CASQ2: variants seen among roughly 807,000 people sequenced by gnomAD.
CASQ2 encodes calsequestrin 2.
CASQ2 carries 49 observed loss-of-function variants against 46.5 expected under a neutral mutation model. That is an observed-to-expected ratio of 1.05 (90% CI 0.84 to 1.34). The LOEUF is 1.34. CASQ2 is among the 40% of genes most tolerant of loss of function. The pLI is 0.00. For missense variants in CASQ2, 486 were observed against 481.3 expected (o/e 1.01, Z -0.09); for synonymous variants, 174 against 168.5 (o/e 1.03, Z -0.25).
intron 6 of CASQ2, 45 bp downstream of exon 6, chr1:115,726,947 T>TA: frequency 1.3e-5 from 13 of 1,036,542 alleles, no homozygotes; most frequent in East Asian, 2.7e-5. Context: ...TCCTCTCCAT[T>TA]CCCCAGACCC....
chr1:115,718,470 A>C (rs1179088425), intron 7 of CASQ2, among the ~76,000 whole-genome samples: 4 of 152,234 alleles, frequency 2.6e-5, no homozygotes. Context: ...TGTTGTTCAC[A>C]CAAGAATCAC....
At chr1:115,751,152 G>A (rs1053299233) in intron 1 of CASQ2, among the ~76,000 whole-genome samples, 1 of 152,220 alleles carries the variant, frequency 6.6e-6, no homozygotes, top group Non-Finnish European at 1.5e-5. Flanking sequence ...ACAGTTCTTG[G>A]CATGCAGTAA....
intron 8 of CASQ2, among the ~76,000 whole-genome samples, chr1:115,712,493 ATTATT>A (rs1459344735): frequency 6.6e-6 from 1 of 152,202 alleles, no homozygotes; most frequent in Non-Finnish European, 1.5e-5. Flanking sequence ...AGCTGGGGAC[ATTATT>A]TAACTTCTTC....
At chr1:115,727,200 T>G (rs1453508692) in intron 5 of CASQ2, 78 bp from the exon 6 acceptor site, 2 of 1,135,726 alleles carry the variant, frequency 1.8e-6, no homozygotes, top group Admixed American at 3.5e-5. Context: ...CTAAGATAAG[T>G]GTGTATGTTT....
At chr1:115,766,243 C>T (rs1278189047) in intron 1 of CASQ2, among the ~76,000 whole-genome samples, 2 of 152,192 alleles carry the variant, frequency 1.3e-5, no homozygotes, top group Admixed American at 6.5e-5. Context: ...GCCCCTTGGG[C>T]GTTTTCGCAC....
At chr1:115,763,541 T>G (rs1039511385) in intron 1 of CASQ2, among the ~76,000 whole-genome samples, 17 of 152,118 alleles carry the variant, frequency 1.1e-4, no homozygotes, top group African/African-American at 4.1e-4. Context: ...TATCAACTGA[T>G]GGGGTTAGCT....
chr1:115,757,748 G>A (rs1648811690), intron 1 of CASQ2, among the ~76,000 whole-genome samples: 1 of 152,124 alleles, frequency 6.6e-6, no homozygotes, highest in Admixed American at 6.6e-5. Context: ...ATTTTGGTGG[G>A]ATTAAGCAAG....
chr1:115,715,186 T>C (rs1358382876), intron 8 of CASQ2, among the ~76,000 whole-genome samples: 1 of 152,210 alleles, frequency 6.6e-6, no homozygotes, highest in Admixed American at 6.5e-5. Flanking sequence ...CCTTAGGCAA[T>C]TGGCTTCCTT....
chr1:115,768,673 G>C lies in CASQ2; in HGVS notation c.-132C>G. 1.4e-6 allele frequency: 1 copy of C among 695,640 alleles called. No individual in the cohort carries two copies. Among genetic ancestry groups the C allele is most frequent in the South Asian group, 1.6e-5 (1 of 60,998 alleles). The allele number at this position is 695,640 out of a possible 1,614,324, so 43.1% of individuals were successfully genotyped here. On this transcript the variant is annotated 5_prime_UTR_variant, in exon 1 of 11. Coordinates refer to ENST00000261448, the MANE Select transcript of CASQ2 (RefSeq NM_001232.4). Reference sequence around the variant, plus strand: ...TTCTCTCTTCTTTGCCCTTCCTGGGGCTGAAAAGTGACTCTTCACCTCCTT... The same window carrying C: ...TTCTCTCTTCTTTGCCCTTCCTGGGCCTGAAAAGTGACTCTTCACCTCCTT...
At chr1:115,746,737 T>C (rs1648403308) in intron 1 of CASQ2, among the ~76,000 whole-genome samples, 1 of 152,176 alleles carries the variant, frequency 6.6e-6, no homozygotes, top group East Asian at 1.9e-4. Flanking sequence ...TTCAGATATA[T>C]GGTTTACAAG....
chr1:115,761,497 G>GAAGAAGAAGA (rs1648956584), intron 1 of CASQ2, among the ~76,000 whole-genome samples: 1 of 18,940 alleles, frequency 5.3e-5, no homozygotes, highest in African/African-American at 2.8e-4. Context: ...GGAGAAGAAG[G>GAAGAAGAAGA]AGAAGAAGAA....
At chr1:115,757,160 G>A (rs1009870447) in intron 1 of CASQ2, among the ~76,000 whole-genome samples, 1 of 152,048 alleles carries the variant, frequency 6.6e-6, no homozygotes, top group East Asian at 1.9e-4. Flanking sequence ...AATTCCATAG[G>A]TGAAAGGAAA....
rs1647455098 is a variant in CASQ2 at position 115,723,305 on chromosome 1, T to TATCTATCTATC, written c.783+2202_783+2203insGATAGATAGAT. On this transcript the variant is annotated intron_variant, in intron 7 of 10. Coordinates refer to ENST00000261448, the MANE Select transcript of CASQ2 (RefSeq NM_001232.4). ...TCTATATCTCTCTATATCTATCTAT[T>TATCTATCTATC]TATCTATCTATCTATCTATCTATCT... 1.7e-4 allele frequency among the ~76,000 whole-genome samples: 25 copies of TATCTATCTATC among 148,866 alleles called. 1 individual carries two copies. Among genetic ancestry groups the TATCTATCTATC allele is most frequent in the Admixed American group, 5.4e-4 (8 of 14,898 alleles).
chr1:115,705,053 G>T, intron 9 of CASQ2, 139 bp downstream of exon 9: 1 of 723,340 alleles, frequency 1.4e-6, no homozygotes, highest in South Asian at 1.5e-5. Flanking sequence ...TGCCCCAAGG[G>T]CCAAGACCTC....
chr1:115,736,636 CA>C (rs950818033), intron 4 of CASQ2, among the ~76,000 whole-genome samples: 9 of 151,348 alleles, frequency 5.9e-5, no homozygotes, highest in African/African-American at 1.9e-4. Flanking sequence ...AACTAGGTCT[CA>C]AAAAAAAGCT....
chr1:115,739,224 G>A (rs1318720534), intron 3 of CASQ2, among the ~76,000 whole-genome samples: 1 of 147,994 alleles, frequency 6.8e-6, no homozygotes. Flanking sequence ...CCATTCTCCT[G>A]CCTTAGCCTC....
chr1:115,703,950 C>T (rs1259576574), intron 9 of CASQ2, among the ~76,000 whole-genome samples: 1 of 151,610 alleles, frequency 6.6e-6, no homozygotes, highest in Non-Finnish European at 1.5e-5. Context: ...AGGAAAACTG[C>T]AAACCATCTG....
chr1:115,715,817 G>A (rs1229678525), intron 8 of CASQ2, among the ~76,000 whole-genome samples: 1 of 152,188 alleles, frequency 6.6e-6, no homozygotes, highest in Non-Finnish European at 1.5e-5. Context: ...TGAAGATTTT[G>A]GGGCTCTGTC....
chr1:115,760,573 A>G (rs1195201702), intron 1 of CASQ2, among the ~76,000 whole-genome samples: 2 of 152,170 alleles, frequency 1.3e-5, no homozygotes, highest in Non-Finnish European at 2.9e-5. Flanking sequence ...TGGGGTCCAC[A>G]TTTTAAGCGT....
Sources: gnomAD v4.1 joint callset for allele counts (sites outside exome capture counted in the v4.1 genomes callset) on GRCh38, gnomAD v4.1.1 for gene constraint, MANE v1.5 for transcripts, NCBI Gene and HGNC (gene_info 2026-07-23, HGNC 2026-07-21) for gene names.